ZNF236: variants seen among roughly 807,000 people sequenced by gnomAD.
ZNF236 encodes the protein zinc finger protein 236.
A neutral mutation model predicts 191.2 loss-of-function variants in ZNF236; 50 were observed. The observed-to-expected ratio is 0.26, with a 90% confidence interval of 0.21 to 0.33. The LOEUF (loss-of-function observed/expected upper bound fraction) is 0.33, where lower values mean the gene tolerates loss of function less well. Among genes scored for constraint, ZNF236 ranks in the 10% least tolerant of loss-of-function variants. The pLI, the probability that ZNF236 is intolerant of heterozygous loss-of-function variation, is 1.00. For missense variants in ZNF236, 1,754 were observed against 2,374.5 expected, an observed-to-expected ratio of 0.74 and a Z score of 5.43; for synonymous variants, 907 against 928.8, an observed-to-expected ratio of 0.98 and a Z score of 0.43.
In ZNF236 at chr18:76,925,653, G is replaced by C; in HGVS notation, c.4027+99G>C. ...GACAGAAGAGATGTTGTTTACCGTA[G>C]CACCACGTTTCCCTTCTTTGAGCCT... On this transcript the variant is annotated intron_variant, in intron 22 of 30. Coordinates refer to ENST00000320610, the MANE Select transcript of ZNF236 (RefSeq NM_001306089.2). The surrounding 1 kb of genome is among the most constrained non-coding windows in gnomAD (Gnocchi z 5.7). 1 of 1,452,912 alleles carries C rather than the reference G, an allele frequency of 6.9e-7. No individual in the cohort carries two copies. The highest frequency in any genetic ancestry group is 9.1e-7 in the Non-Finnish European group (1 of 1,096,966). 90.0% of individuals were successfully genotyped at this position (1,452,912 alleles called of 1,614,324 possible). A position where few individuals can be genotyped will look rare whatever the true frequency, so the allele number is the denominator to read the frequency against.
At position 76,856,333 on chromosome 18, in the gene ZNF236, C is replaced by T. The variant is rs550861440; in HGVS notation, c.363+4394C>T. 2.8e-3 allele frequency among the ~76,000 whole-genome samples: 423 copies of T among 152,262 alleles called. 1 individual carries two copies. Among genetic ancestry groups the T allele is most frequent in the Non-Finnish European group, 3.1e-3 (214 of 68,030 alleles). On this transcript the variant is annotated intron_variant, in intron 3 of 30. Coordinates refer to ENST00000320610, the MANE Select transcript of ZNF236 (RefSeq NM_001306089.2). ...GAGTAGCTGGAATTGTAGGCACCTGCCACCACGCCTGGCTCATTTTTGTAT... is the reference window on the plus strand; with the variant it reads ...GAGTAGCTGGAATTGTAGGCACCTGTCACCACGCCTGGCTCATTTTTGTAT...
Position 76,925,836 on chromosome 18 carries a change from C to CA in ZNF236, c.4027+283dup, listed in dbSNP as rs1967662202. On this transcript the variant is annotated intron_variant, in intron 22 of 30. Transcript: ENST00000320610. This position sits in a 1 kb window ranked among gnomAD's most constrained non-coding sequence, Gnocchi z 5.7. ...TGTAAACCTGTTTTTACTCAGTTGG[C>CA]ATTCTCATAAATTTAGTAGTGAGAA... Among the ~76,000 whole-genome samples, 1 of 152,190 alleles carries CA rather than the reference C, an allele frequency of 6.6e-6. No individual in the cohort carries two copies. The highest frequency in any genetic ancestry group is 1.5e-5 in the Non-Finnish European group (1 of 68,028).
chr18:76,890,651 T>C (rs1977202509), intron 9 of ZNF236, among the ~76,000 whole-genome samples: 1 of 152,224 alleles, frequency 6.6e-6, no homozygotes, highest in African/African-American at 2.4e-5. Flanking sequence ...GGTGTCTTAT[T>C]GTACGTTTAA....
chr18:76,908,333 C>G lies in ZNF236; in HGVS notation c.2311C>G (p.Gln771Glu). 2 of 1,613,456 alleles carry G rather than the reference C, an allele frequency of 1.2e-6. No homozygotes were observed. Among genetic ancestry groups the G allele is most frequent in the South Asian group, 2.2e-5 (2 of 91,066 alleles). Reference sequence around the variant, plus strand: ...ATTTTTCTGAAGATATGAGCTTGCCCAGCAGCTCCAACAGCATCAGCAGGC... The same window carrying G: ...ATTTTTCTGAAGATATGAGCTTGCCGAGCAGCTCCAACAGCATCAGCAGGC... ...HMKTHRYELA[Q>E]QLQQHQQAAS... The change falls in exon 14 of 31, where the codon CAG becomes GAG. Residue 771 changes from glutamine to glutamate, a missense_variant. By Grantham distance (29) the Gln-to-Glu change is conservative (BLOSUM62 2). Coordinates refer to ENST00000320610, the MANE Select transcript of ZNF236 (RefSeq NM_001306089.2).
At chr18:76,961,445 G>A (rs888938208) in intron 30 of ZNF236, among the ~76,000 whole-genome samples, 3 of 150,900 alleles carry the variant, frequency 2.0e-5, no homozygotes, top group Admixed American at 6.6e-5. Context: ...TTATCCACTC[G>A]TCGATTTATG....
At chr18:76,909,351 G>C (rs570417563) in intron 14 of ZNF236, among the ~76,000 whole-genome samples, 76 of 151,562 alleles carry the variant, frequency 5.0e-4, no homozygotes, top group African/African-American at 1.4e-3. Context: ...ATACAAATAG[G>C]ACCTTGCAGT....
At chr18:76,911,626 ACT>A (rs1967220220) in intron 16 of ZNF236, among the ~76,000 whole-genome samples, 1 of 152,016 alleles carries the variant, frequency 6.6e-6, no homozygotes, top group Non-Finnish European at 1.5e-5. Context: ...GGGGTGGATG[ACT>A]CTACTGTTCG....
chr18:76,913,392 CG>C (rs982778771), intron 17 of ZNF236, among the ~76,000 whole-genome samples: 6 of 152,140 alleles, frequency 3.9e-5, no homozygotes, highest in Non-Finnish European at 8.8e-5. Context: ...TAGTGTCTAA[CG>C]ACTTAATAAA....
At chr18:76,959,989 C>T (rs1037344474) in intron 29 of ZNF236, among the ~76,000 whole-genome samples, 173 bp downstream of exon 29, 1 of 152,160 alleles carries the variant, frequency 6.6e-6, no homozygotes, top group Non-Finnish European at 1.5e-5. Context: ...TCATAACTAA[C>T]TTTTCACATG....
In ZNF236 at chr18:76,880,467, C is replaced by A; in HGVS notation, c.1188+151C>A. On this transcript the variant is annotated intron_variant, in intron 8 of 30. Coordinates refer to ENST00000320610, the MANE Select transcript of ZNF236 (RefSeq NM_001306089.2). The surrounding 1 kb of genome is among the most constrained non-coding windows in gnomAD (Gnocchi z 5.0). ...GAACCGAAAGAAATTAATATGCCTA[C>A]TTAATTGCTTATGGACGGCGCAACA... 1.4e-6 allele frequency: 1 copy of A among 729,498 alleles called. No homozygotes were observed. Among genetic ancestry groups the A allele is most frequent in the Non-Finnish European group, 2.2e-6 (1 of 462,650 alleles). 45.2% of individuals were successfully genotyped at this position (729,498 alleles called of 1,614,324 possible). A position where few individuals can be genotyped will look rare whatever the true frequency, so the allele number is the denominator to read the frequency against.
chr18:76,955,902 T>A, intron 27 of ZNF236, 83 bp from the exon 28 acceptor site: 1 of 1,458,696 alleles, frequency 6.9e-7, no homozygotes, highest in Non-Finnish European at 9.4e-7. Context: ...AATGTCCCTC[T>A]TATCACCACG....
At chr18:76,936,090 C>G (rs1164574384) in intron 25 of ZNF236, 2 of 456,796 alleles carry the variant, frequency 4.4e-6, no homozygotes, top group Non-Finnish European at 8.8e-6. Context: ...CTGTTGGCCC[C>G]TGACTCCTAG....
At position 76,971,447 on chromosome 18, in the gene ZNF236, A is replaced by G. The variant is rs1968907553; in HGVS notation, c.*3108A>G. ...CCTGACAGTGTTCTGCTGGTGGGACATGAACATCAGTGCTTGTCTGGCACT... is the reference window on the plus strand; with the variant it reads ...CCTGACAGTGTTCTGCTGGTGGGACGTGAACATCAGTGCTTGTCTGGCACT... On this transcript the variant is annotated 3_prime_UTR_variant, in exon 31 of 31. Transcript: ENST00000320610. Among the ~76,000 whole-genome samples the G allele has an allele frequency of 1.3e-5, 2 of 152,226 alleles. No individual in the cohort carries two copies. Among genetic ancestry groups the G allele is most frequent in the African/African-American group, 2.4e-5 (1 of 41,464 alleles).
rs147632864 is a variant in ZNF236 at position 76,956,068 on chromosome 18, C to A, written c.4998C>A (p.Arg1666=). ...GRAHQCLECD[R]AFSSAAVLMH... is the part of the protein sequence containing the mutation. ...CGCACCAGTGCCTGGAGTGTGACCG[C>A]GCCTTCTCATCGGCGGCGGTGCTCA... Residue 1666 remains arginine (R), a synonymous_variant, in exon 28 of 31, where the codon CGC becomes CGA. Coordinates refer to ENST00000320610, the MANE Select transcript of ZNF236 (RefSeq NM_001306089.2). 73 of 1,607,126 alleles carry A rather than the reference C, an allele frequency of 4.5e-5. No homozygotes were observed. The Admixed American group carries it at 6.7e-4, about 15-fold the overall frequency.
intron 9 of ZNF236, among the ~76,000 whole-genome samples, chr18:76,883,915 C>G (rs1976971550): frequency 6.6e-6 from 1 of 152,146 alleles, no homozygotes; most frequent in African/African-American, 2.4e-5. Flanking sequence ...TTATAACTAA[C>G]CTTCATTACG....
rs1967281980 is a variant in ZNF236 at position 76,913,774 on chromosome 18, G to A, written c.2937G>A (p.Lys979=). ...GTGACTATTGCAACAAAGGCTTTAAGAAGTCCAGCCACCTGAAGCAGCATG... is the reference window on the plus strand; with the variant it reads ...GTGACTATTGCAACAAAGGCTTTAAAAAGTCCAGCCACCTGAAGCAGCATG... ...YRCDYCNKGF[K]KSSHLKQHVR... is the part of the protein sequence containing the mutation. The change falls in exon 18 of 31, where the codon AAG becomes AAA. Residue 979 remains lysine, a synonymous_variant. Coordinates refer to ENST00000320610, the MANE Select transcript of ZNF236 (RefSeq NM_001306089.2). 3 of 1,614,200 alleles carry A rather than the reference G, an allele frequency of 1.9e-6. No individual in the cohort carries two copies. The East Asian group carries it at 6.7e-5, about 36-fold the overall frequency.
intron 11 of ZNF236, among the ~76,000 whole-genome samples, chr18:76,900,222 T>A (rs1226949009): frequency 6.6e-6 from 1 of 152,152 alleles, no homozygotes; most frequent in East Asian, 1.9e-4. Flanking sequence ...TGTTATAAAT[T>A]GGGGGCCACC....
chr18:76,935,442 AG>A (rs1160746941), intron 25 of ZNF236, among the ~76,000 whole-genome samples: 5 of 152,262 alleles, frequency 3.3e-5, no homozygotes, highest in Non-Finnish European at 7.3e-5. Context: ...CATGCTGCAC[AG>A]TCCCGGAACC....
rs1375906902 is a variant in ZNF236 at position 76,915,774 on chromosome 18, A to G, written c.3189A>G (p.Arg1063=). ...YKCPFCEEGF[R]TTVHCKKHMK... ...GTCCGTTTTGTGAGGAGGGTTTCCG[A>G]ACTACAGTGCATTGTAAAAAGCACA... Residue 1063 remains arginine (R), a synonymous_variant, in exon 19 of 31, where the codon CGA becomes CGG. Coordinates refer to ENST00000320610, the MANE Select transcript of ZNF236 (RefSeq NM_001306089.2). 1 of 1,614,230 alleles carries G rather than the reference A, an allele frequency of 6.2e-7. No homozygotes were observed.
Sources: gnomAD v4.1 joint callset for allele counts (sites outside exome capture counted in the v4.1 genomes callset) on GRCh38, gnomAD v4.1.1 for gene constraint, Gnocchi (gnomAD v3.1) non-coding constraint, MANE v1.5 for transcripts, NCBI Gene and HGNC (gene_info 2026-07-23, HGNC 2026-07-21) for gene names.